Variants in SPAG16 observed in about 807,000 individuals in gnomAD.
The protein encoded by SPAG16 is sperm-associated antigen 16 protein.
In SPAG16, 86 loss-of-function variants were observed where a neutral mutation model predicts 80.4. The ratio of observed to expected loss-of-function variants is 1.07; its 90% CI spans 0.90 to 1.28. The LOEUF (loss-of-function observed/expected upper bound fraction) is 1.28. Among genes scored for constraint, SPAG16 ranks in the 50% most tolerant of loss-of-function variants. The pLI is 0.00. For missense variants in SPAG16, 870 were observed against 765.3 expected, an observed-to-expected ratio of 1.14 and a Z score of -1.61; for synonymous variants, 294 against 265.9, an observed-to-expected ratio of 1.11 and a Z score of -1.03.
chr2:213,977,369 T>G (rs2106401579), intron 12 of SPAG16, among the ~76,000 whole-genome samples: 1 of 152,128 alleles, frequency 6.6e-6, no homozygotes, highest in East Asian at 1.9e-4. Context: ...GTTCCTTGGA[T>G]AAAATTACTT....
At chr2:214,368,843 A>G (rs1699644742) in intron 15 of SPAG16, among the ~76,000 whole-genome samples, 1 of 152,074 alleles carries the variant, frequency 6.6e-6, no homozygotes, top group Non-Finnish European at 1.5e-5. Context: ...CTAAGAATCT[A>G]AATTCTGAAA....
chr2:214,291,597 G>C (rs1454367841), intron 15 of SPAG16, among the ~76,000 whole-genome samples: 1 of 152,190 alleles, frequency 6.6e-6, no homozygotes, highest in East Asian at 1.9e-4. Flanking sequence ...GAGCCACCGC[G>C]CCCGGCCTAG....
Position 213,620,294 on chromosome 2 carries a change from T to G in SPAG16, c.1070+130204T>G, listed in dbSNP as rs866716658. On this transcript the variant is annotated intron_variant, in intron 10 of 15. Coordinates refer to ENST00000331683, the MANE Select transcript of SPAG16 (RefSeq NM_024532.5). ...ATAATTTATTGAGTTTTTTTTTTTT[T>G]TTTTTTTTTTTTTTTTGAGACGGAG... is the stretch of plus-strand genomic sequence containing the variant. 1.4e-3 allele frequency among the ~76,000 whole-genome samples: 186 copies of G among 129,020 alleles called. 2 individuals are homozygous for G. Among genetic ancestry groups the G allele is most frequent in the South Asian group, 0.013 (46 of 3,664 alleles). The allele number at this position is 129,020 out of a possible 152,430, so 84.6% of individuals were successfully genotyped here. A position where few individuals can be genotyped will look rare whatever the true frequency, so the allele number is the denominator to read the frequency against.
chr2:213,414,266 T>C (rs2069136384), intron 9 of SPAG16, among the ~76,000 whole-genome samples: 2 of 152,222 alleles, frequency 1.3e-5, no homozygotes, highest in South Asian at 4.1e-4. Context: ...CTATGAGCTT[T>C]CTTTTAGCAT....
At chr2:214,258,198 C>A (rs910669448) in intron 15 of SPAG16, among the ~76,000 whole-genome samples, 4 of 151,510 alleles carry the variant, frequency 2.6e-5, no homozygotes, top group African/African-American at 9.7e-5. Flanking sequence ...ATCACTGGAG[C>A]AATGTACACT....
chr2:214,280,575 T>C (rs891553596), intron 15 of SPAG16: 3 of 198,794 alleles, frequency 1.5e-5, no homozygotes, highest in Admixed American at 1.2e-4. Flanking sequence ...TGGGCAACTG[T>C]TGTTCGTTTT....
intron 12 of SPAG16, among the ~76,000 whole-genome samples, chr2:213,990,718 T>A (rs1467025059): frequency 6.6e-6 from 1 of 152,120 alleles, no homozygotes; most frequent in Admixed American, 6.6e-5. Flanking sequence ...TCTTGTTGTC[T>A]TAGGGGTGGC....
At chr2:214,359,586 A>G (rs1424037656) in intron 15 of SPAG16, among the ~76,000 whole-genome samples, 3 of 151,908 alleles carry the variant, frequency 2.0e-5, no homozygotes, top group Non-Finnish European at 4.4e-5. Context: ...CAGATGAACT[A>G]TTAACTTTCA....
At chr2:213,322,949 A>T (rs746471858) in intron 5 of SPAG16, among the ~76,000 whole-genome samples, 4 of 152,138 alleles carry the variant, frequency 2.6e-5, no homozygotes, top group Non-Finnish European at 5.9e-5. Flanking sequence ...GGCTCTAACC[A>T]GTGGGTTAGT....
chr2:213,606,262 C>T (rs553784590), intron 10 of SPAG16, among the ~76,000 whole-genome samples: 2 of 152,212 alleles, frequency 1.3e-5, no homozygotes, highest in South Asian at 2.1e-4. Context: ...TGTGCACATT[C>T]GTGTATGAGT....
chr2:213,703,162 C>G (rs929562023), intron 10 of SPAG16, among the ~76,000 whole-genome samples: 3 of 152,154 alleles, frequency 2.0e-5, no homozygotes, highest in African/African-American at 7.2e-5. Flanking sequence ...AGAGCTGCAG[C>G]CAACCAATAA....
At chr2:213,664,756 T>C (rs768813263) in intron 10 of SPAG16, among the ~76,000 whole-genome samples, 4 of 152,044 alleles carry the variant, frequency 2.6e-5, no homozygotes, top group African/African-American at 4.8e-5. Flanking sequence ...TTACTCTGAC[T>C]TTTTCACCTC....
chr2:213,334,625 G>A lies in SPAG16; in HGVS notation c.537-5538G>A, dbSNP rs114094212. 9.2e-3 allele frequency among the ~76,000 whole-genome samples: 1,408 copies of A among 152,242 alleles called. 17 individuals are homozygous for A. Among genetic ancestry groups the A allele is most frequent in the African/African-American group, 0.032 (1,314 of 41,554 alleles). ...ATATGTAATGGAGAACTGTTCAACC[G>A]TAAAAATGAATGAGATTCTGTCATT... On this transcript the variant is annotated intron_variant, in intron 5 of 15. Coordinates refer to ENST00000331683, the MANE Select transcript of SPAG16 (RefSeq NM_024532.5).
chr2:213,355,743 A>C (rs999648649), intron 7 of SPAG16, among the ~76,000 whole-genome samples: 1 of 152,188 alleles, frequency 6.6e-6, no homozygotes, highest in Non-Finnish European at 1.5e-5. Context: ...GAAGTTGCTT[A>C]TCAGCTTAAG....
chr2:214,322,375 T>C (rs2125995752), intron 15 of SPAG16, among the ~76,000 whole-genome samples: 1 of 152,290 alleles, frequency 6.6e-6, no homozygotes, highest in East Asian at 1.9e-4. Flanking sequence ...TTCCTCTTCT[T>C]GAAGTCTCAT....
chr2:214,177,294 T>G (rs148476583), intron 15 of SPAG16, among the ~76,000 whole-genome samples: 197 of 151,304 alleles, frequency 1.3e-3, no homozygotes, highest in African/African-American at 4.6e-3. Context: ...CATTACCAAA[T>G]GTATCTATTT....
chr2:214,181,973 G>A lies in SPAG16; in HGVS notation c.1720+32707G>A, dbSNP rs190958475. 1.1e-4 allele frequency among the ~76,000 whole-genome samples: 16 copies of A among 151,752 alleles called. No individual in the cohort carries two copies. In the East Asian group the frequency reaches 1.8e-3, roughly 17 times the overall value. On this transcript the variant is annotated intron_variant, in intron 15 of 15. Coordinates refer to ENST00000331683, the MANE Select transcript of SPAG16 (RefSeq NM_024532.5). ...CAGCACACACATACTCTTCATACACGTACAAACTCATTGAGAACAGAAAAT... is the reference window on the plus strand; with the variant it reads ...CAGCACACACATACTCTTCATACACATACAAACTCATTGAGAACAGAAAAT...
At chr2:213,740,591 C>T (rs896282126) in intron 10 of SPAG16, among the ~76,000 whole-genome samples, 13 of 152,196 alleles carry the variant, frequency 8.5e-5, no homozygotes, top group African/African-American at 2.9e-4. Context: ...GAATAAACTC[C>T]AGGGGGAAGT....
chr2:213,573,186 A>C (rs2059987616), intron 10 of SPAG16, among the ~76,000 whole-genome samples: 1 of 151,774 alleles, frequency 6.6e-6, no homozygotes, highest in Non-Finnish European at 1.5e-5. Context: ...AAATGCAGAA[A>C]TCACCGTCTT....
Sources: gnomAD v4.1 joint callset for allele counts (sites outside exome capture counted in the v4.1 genomes callset) on GRCh38, gnomAD v4.1.1 for gene constraint, MANE v1.5 for transcripts, NCBI Gene and HGNC (gene_info 2026-07-23, HGNC 2026-07-21) for gene names.